PCM1: variants seen among roughly 807,000 people sequenced by gnomAD.
PCM1 encodes pericentriolar material 1 protein.
PCM1 carries 157 observed loss-of-function variants against 241.9 expected under a neutral mutation model. The observed-to-expected ratio is 0.65, with a 90% CI of 0.57 to 0.74. The LOEUF is 0.74. Among genes scored for constraint, PCM1 ranks in the 30% least tolerant of loss-of-function variants. The probability of loss-of-function intolerance (pLI) is 0.00; values close to 1 mark genes in which losing one functional copy is unlikely to be tolerated. For missense variants in PCM1, 3,478 were observed against 2,360.1 expected (o/e 1.47, Z -9.81); for synonymous variants, 1,085 against 784.9 (o/e 1.38, Z -6.39).
chr8:18,025,979 A>G (rs6980773), intron 38 of PCM1, among the ~76,000 whole-genome samples: 9,832 of 151,678 alleles, frequency 0.065, 1,106 homozygotes, highest in African/African-American at 0.23. Context: ...CCTGGCTAAC[A>G]TGGTGAAACC....
intron 32 of PCM1, 54 bp downstream of exon 32, chr8:18,010,722 C>G (rs1457447977): frequency 8.4e-6 from 11 of 1,308,452 alleles, no homozygotes; most frequent in Non-Finnish European, 1.2e-5. Context: ...GTGGCTCACC[C>G]CCGTAATCGC....
intron 24 of PCM1, among the ~76,000 whole-genome samples, chr8:17,982,192 A>G (rs987230975): frequency 3.3e-5 from 5 of 152,180 alleles, no homozygotes; most frequent in African/African-American, 1.2e-4. Flanking sequence ...TTTCTGCAAA[A>G]ATATCAATCC....
At chr8:17,946,130 C>G (rs1000068578) in intron 6 of PCM1, among the ~76,000 whole-genome samples, 2 of 152,102 alleles carry the variant, frequency 1.3e-5, no homozygotes, top group South Asian at 2.1e-4. Context: ...AAGATTAACA[C>G]TTAAAATTTC....
chr8:17,951,230 G>C (rs1361271943), intron 8 of PCM1, among the ~76,000 whole-genome samples: 3 of 152,202 alleles, frequency 2.0e-5, no homozygotes, highest in Non-Finnish European at 4.4e-5. Context: ...TATAAATGCA[G>C]ATTTTCAATA....
chr8:18,023,500 C>G (rs566170260), intron 36 of PCM1, among the ~76,000 whole-genome samples: 125 of 152,302 alleles, frequency 8.2e-4, no homozygotes, highest in South Asian at 2.1e-3. Context: ...GTCATTTGGT[C>G]TCACTGGAAC....
chr8:17,965,731 T>TA (rs539397443), intron 18 of PCM1, among the ~76,000 whole-genome samples: 168 of 152,346 alleles, frequency 1.1e-3, no homozygotes, highest in African/African-American at 3.9e-3. Context: ...TGTGACATAA[T>TA]AAATATTTTT....
rs200663917 is a variant in PCM1 at position 17,991,676 on chromosome 8, G to A, written c.4666G>A (p.Gly1556Ser). 2.0e-4 allele frequency: 308 copies of A among 1,554,626 alleles called. 1 individual carries two copies. The African/African-American group carries it at 4.1e-3, about 20-fold the overall frequency. ...TGAGGATGGAGATGGTGCTGGTGCA[G>A]GTACTACAGTTAATAATTTAGAAGG... ...IIEDGDGAGA[G>S]TTVNNLEETP... is the part of the protein sequence containing the mutation. Residue 1556 changes from glycine to serine, a missense_variant, in exon 28 of 39, where the codon GGT becomes AGT. Transcript: ENST00000325083.
chr8:17,995,553 C>CT (rs1275328393), intron 29 of PCM1, among the ~76,000 whole-genome samples: 2 of 151,158 alleles, frequency 1.3e-5, no homozygotes, highest in East Asian at 1.9e-4. Context: ...CTGTTCTGAG[C>CT]TTTTTTTGTG....
chr8:17,930,170 C>G (rs990929351), intron 2 of PCM1, among the ~76,000 whole-genome samples: 1 of 136,280 alleles, frequency 7.3e-6, no homozygotes, highest in Non-Finnish European at 1.5e-5. Flanking sequence ...GTGGTGTTAT[C>G]TGGGTTCACT....
chr8:17,936,795 G>A (rs1329560725), intron 3 of PCM1, among the ~76,000 whole-genome samples: 3 of 152,096 alleles, frequency 2.0e-5, no homozygotes, highest in African/African-American at 7.2e-5. Flanking sequence ...AAAGGTATCT[G>A]TAATTTATTT....
At chr8:17,940,118 C>G in intron 6 of PCM1, 3 of 1,570,216 alleles carry the variant, frequency 1.9e-6, no homozygotes, top group Non-Finnish European at 2.6e-6. Flanking sequence ...GAGAGCACAT[C>G]GCTAAACATA....
intron 29 of PCM1, among the ~76,000 whole-genome samples, chr8:18,005,452 C>T (rs1199336705): frequency 6.6e-6 from 1 of 151,192 alleles, no homozygotes; most frequent in East Asian, 1.9e-4. Context: ...GTTTGGCACC[C>T]TCATTTTATA....
At chr8:17,993,170 G>A (rs1225183490) in intron 28 of PCM1, among the ~76,000 whole-genome samples, 1 of 152,060 alleles carries the variant, frequency 6.6e-6, no homozygotes, top group East Asian at 1.9e-4. Flanking sequence ...GCCTAAGCCA[G>A]TGTCTATAAG....
chr8:18,014,916 C>A, intron 36 of PCM1, 76 bp downstream of exon 36: 1 of 1,288,248 alleles, frequency 7.8e-7, no homozygotes, highest in Non-Finnish European at 1.1e-6. Context: ...GATTAGCATT[C>A]TCCACATGTA....
intron 31 of PCM1, 51 bp downstream of exon 31, chr8:18,009,795 T>C: frequency 1.8e-6 from 2 of 1,110,258 alleles, no homozygotes; most frequent in South Asian, 5.6e-5. Context: ...TAAATACAGT[T>C]CTTGATCATT....
intron 7 of PCM1, among the ~76,000 whole-genome samples, 162 bp downstream of exon 7, chr8:17,947,525 G>T (rs1290307958): frequency 1.3e-5 from 2 of 152,150 alleles, no homozygotes; most frequent in African/African-American, 4.8e-5. Context: ...TGGTTATGCA[G>T]AAAAGGTTGC....
chr8:17,924,722 T>C lies in PCM1; in HGVS notation c.-81T>C, dbSNP rs1031392851. The C allele has an allele frequency of 6.6e-6, 1 of 152,198 alleles. No homozygotes were observed. The highest frequency in any genetic ancestry group is 1.5e-5 in the Non-Finnish European group (1 of 68,032). 9.4% of individuals were successfully genotyped at this position (152,198 alleles called of 1,614,324 possible). On this transcript the variant is annotated 5_prime_UTR_variant, in exon 2 of 39. Coordinates refer to ENST00000325083, the MANE Select transcript of PCM1 (RefSeq NM_006197.4). The stretch of plus-strand genomic sequence containing the variant: ...TTTTAATCCTAATTAGGAAACAGCT[T>C]TGAAGTGTGGAGCGGGAAAGGAGCA...
rs1301336741 is a variant in PCM1, at chr8:17,966,428, A to G, written c.3176A>G (p.Asn1059Ser). 1.2e-6 allele frequency: 2 copies of G among 1,613,722 alleles called. No homozygotes were observed. The highest frequency in any genetic ancestry group is 4.5e-5 in the East Asian group (2 of 44,878). ...PQVHFIMHQLNQCYTQLTWQQ... is the reference protein window; with the variant it reads ...PQVHFIMHQLSQCYTQLTWQQ... ...GTACACTTCATAATGCACCAGTTGA[A>G]CCAGTGCTATACTCAGCTAACATGG... Residue 1059 changes from asparagine to serine, a missense_variant, in exon 20 of 39, where the codon AAC becomes AGC. By Grantham distance (46) the Asn-to-Ser change is conservative. Transcript: ENST00000325083.
intron 38 of PCM1, among the ~76,000 whole-genome samples, 174 bp from the exon 39 acceptor site, chr8:18,027,463 C>T (rs183731815): frequency 1.1e-3 from 174 of 152,288 alleles, no homozygotes; most frequent in Middle Eastern, 3.4e-3. Context: ...ATCAGAAACG[C>T]CTCACCTATT....
Sources: gnomAD v4.1 joint callset for allele counts (sites outside exome capture counted in the v4.1 genomes callset) on GRCh38, gnomAD v4.1.1 for gene constraint, MANE v1.5 for transcripts, NCBI Gene and HGNC (gene_info 2026-07-23, HGNC 2026-07-21) for gene names.